Variants in KDM4A observed in about 807,000 individuals in gnomAD.
KDM4A encodes lysine demethylase 4A.
Under a neutral mutation model 127.1 loss-of-function variants are expected in KDM4A, and 23 were observed. That is an observed-to-expected ratio of 0.18 (90% CI 0.13 to 0.26). The LOEUF (loss-of-function observed/expected upper bound fraction) is 0.26. Ranked by LOEUF, KDM4A falls within the 10% of genes least tolerant of loss-of-function variation. The pLI is 1.00. For missense variants in KDM4A, 890 were observed against 1,329.1 expected (o/e 0.67, Z 5.14); for synonymous variants, 443 against 466.5 (o/e 0.95, Z 0.65).
At chr1:43,680,206 C>T (rs1660827457) in intron 11 of KDM4A, among the ~76,000 whole-genome samples, 1 of 152,260 alleles carries the variant, frequency 6.6e-6, no homozygotes, top group Admixed American at 6.5e-5. Context: ...TCAGAGGCAG[C>T]ATGACGGTAG....
At chr1:43,676,830 CTT>C (rs1464656172) in intron 11 of KDM4A, among the ~76,000 whole-genome samples, 1 of 152,184 alleles carries the variant, frequency 6.6e-6, no homozygotes, top group East Asian at 1.9e-4. Context: ...AAATATTTGT[CTT>C]GTCTTTATGC....
chr1:43,703,519 G>A (rs1455497064), intron 19 of KDM4A, 98 bp from the exon 20 acceptor site: 2 of 1,473,376 alleles, frequency 1.4e-6, no homozygotes, highest in East Asian at 2.3e-5. Context: ...CTCTAAAACA[G>A]TTACTTTGTC....
intron 11 of KDM4A, among the ~76,000 whole-genome samples, chr1:43,678,989 G>A (rs896582333): frequency 1.3e-5 from 2 of 152,038 alleles, no homozygotes; most frequent in African/African-American, 4.8e-5. Context: ...CACTTTGTTG[G>A]GCCACTGTCA....
chr1:43,660,358 T>TA lies in KDM4A; in HGVS notation c.376dup (p.Thr126AsnfsTer17). On this transcript the variant is annotated frameshift_variant, in exon 4 of 22. Transcript: ENST00000372396. LOFTEE classifies it high-confidence loss of function. ...TCGAGCGGAAATACTGGAAAAATCT[T>TA]ACATTCAATCCTCCAATCTATGGTG... The TA allele has an allele frequency of 6.2e-7, 1 of 1,613,742 alleles. No individual in the cohort carries two copies. Among genetic ancestry groups the TA allele is most frequent in the Non-Finnish European group, 8.5e-7 (1 of 1,179,740 alleles).
intron 2 of KDM4A, among the ~76,000 whole-genome samples, chr1:43,655,210 GA>G (rs1043873621): frequency 7.2e-5 from 11 of 152,134 alleles, no homozygotes; most frequent in African/African-American, 1.2e-4. Flanking sequence ...TCTAGTGTGT[GA>G]AAAAAGGAAA....
At chr1:43,652,642 C>A (rs1431746422) in intron 1 of KDM4A, among the ~76,000 whole-genome samples, 2 of 151,500 alleles carry the variant, frequency 1.3e-5, no homozygotes, top group Non-Finnish European at 2.9e-5. Flanking sequence ...AGCCACCACA[C>A]CCCCACCCTA....
At chr1:43,661,608 CAAAAAAAAAAAA>C (rs34131801) in intron 4 of KDM4A, among the ~76,000 whole-genome samples, 10 of 40,854 alleles carry the variant, frequency 2.4e-4, no homozygotes, top group Non-Finnish European at 3.8e-4. Context: ...GACTCTGTCT[CAAAAAAAAAAAA>C]AAAAAAAAAA....
In KDM4A at chr1:43,697,867, A is replaced by G; in HGVS notation, c.2695A>G (p.Ile899Val). ...GCGTGCCAAGGGGGCCTTGCAAAGC[A>G]TCACTGCAGGCCAGAAAGTCATTAG... ...LERAKGALQSITAGQKVISKH... is the reference protein window; with the variant it reads ...LERAKGALQSVTAGQKVISKH... The change falls in exon 19 of 22, where the codon ATC (isoleucine) becomes GTC (valine). Residue 899 changes from isoleucine (I) to valine (V), a missense_variant. Ile to Val is a conservative substitution (Grantham distance 29). Around this residue, in one of 7 missense-constraint regions of KDM4A, gnomAD observed 246 missense variants for 418.4 expected, o/e 0.59. Coordinates refer to ENST00000372396, the MANE Select transcript of KDM4A (RefSeq NM_014663.3). 1 of 1,613,708 alleles carries G rather than the reference A, an allele frequency of 6.2e-7. No individual in the cohort carries two copies. The highest frequency in any genetic ancestry group is 8.5e-7 in the Non-Finnish European group (1 of 1,179,906).
rs1181639829 is a variant in KDM4A, at chr1:43,660,431, C to T, written c.429+19C>T. ...TGAAAAGGTGAGGCTCACTGGAAAC[C>T]CTCTGTGCAGTGTTTTTGTAATTTT... is the stretch of plus-strand genomic sequence containing the variant. On this transcript the variant is annotated intron_variant, in intron 4 of 21. Coordinates refer to ENST00000372396, the MANE Select transcript of KDM4A (RefSeq NM_014663.3). The T allele has an allele frequency of 1.3e-6, 2 of 1,579,300 alleles. No individual in the cohort carries two copies. The highest frequency in any genetic ancestry group is 1.7e-6 in the Non-Finnish European group (2 of 1,160,610).
At chr1:43,650,759 C>A (rs1459634349) in intron 1 of KDM4A, 1 of 152,496 alleles carries the variant, frequency 6.6e-6, no homozygotes. Flanking sequence ...GGTTGGGATC[C>A]CCATTTTACA....
rs528043880 is a variant in KDM4A at position 43,658,765 on chromosome 1, G to A, written c.315-1533G>A. On this transcript the variant is annotated intron_variant, in intron 3 of 21. Transcript: ENST00000372396. ...TGATCCGCCTGCCTGGGCCTCCCAA[G>A]TGCTGGGATTACAGGCGTGAGCCAT... Among the ~76,000 whole-genome samples the A allele has an allele frequency of 4.2e-3, 632 of 151,932 alleles. 3 individuals are homozygous for A. Among genetic ancestry groups the A allele is most frequent in the Non-Finnish European group, 6.3e-3 (426 of 67,950 alleles).
At chr1:43,657,226 C>G (rs1341899972) in intron 3 of KDM4A, among the ~76,000 whole-genome samples, 3 of 150,982 alleles carry the variant, frequency 2.0e-5, no homozygotes, top group Non-Finnish European at 4.4e-5. Context: ...TTTTTTGAGA[C>G]AGAATCTCGC....
intron 12 of KDM4A, among the ~76,000 whole-genome samples, chr1:43,684,976 C>T (rs534864525): frequency 1.3e-5 from 2 of 152,258 alleles, no homozygotes; most frequent in African/African-American, 4.8e-5. Context: ...AGTTGAGTGC[C>T]TCCCCGGTTT....
At chr1:43,700,955 G>A (rs961046861) in intron 19 of KDM4A, among the ~76,000 whole-genome samples, 25 of 147,728 alleles carry the variant, frequency 1.7e-4, no homozygotes, top group African/African-American at 1.0e-4. Context: ...ACAGAGTCTC[G>A]CTCTGTCGCC....
Position 43,671,847 on chromosome 1 carries a change from G to C in KDM4A, c.1706G>C (p.Arg569Thr). 6.3e-7 allele frequency: 1 copy of C among 1,581,828 alleles called. No individual in the cohort carries two copies. The highest frequency in any genetic ancestry group is 8.6e-7 in the Non-Finnish European group (1 of 1,162,718). ...ACGAGGAAGAAAGGAAGCGCCGCTA[G>C]AAGTTTCAGTGAGCGGGAGCTGGCA... is the stretch of plus-strand genomic sequence containing the variant. ...PCTRKKGSAA[R>T]SFSERELAEV... The change falls in exon 11 of 22, where the codon AGA (arginine) becomes ACA (threonine). Residue 569 changes from arginine (R) to threonine (T), a missense_variant. This residue lies in a region of KDM4A where 389 missense variants were observed against 485.9 expected (regional missense o/e 0.80). Coordinates refer to ENST00000372396, the MANE Select transcript of KDM4A (RefSeq NM_014663.3).
intron 10 of KDM4A, among the ~76,000 whole-genome samples, chr1:43,671,207 T>C (rs1212995046): frequency 6.6e-6 from 1 of 152,122 alleles, no homozygotes; most frequent in Non-Finnish European, 1.5e-5. Context: ...GCAGGAGACT[T>C]TGGAGGAAAT....
chr1:43,676,223 G>A (rs776661936), intron 11 of KDM4A, among the ~76,000 whole-genome samples: 2 of 152,112 alleles, frequency 1.3e-5, no homozygotes, highest in Non-Finnish European at 2.9e-5. Flanking sequence ...CTGAGAGGTT[G>A]AGGCTGCAAT....
intron 11 of KDM4A, among the ~76,000 whole-genome samples, chr1:43,678,572 G>A: frequency 6.6e-6 from 1 of 151,030 alleles, no homozygotes; most frequent in Non-Finnish European, 1.5e-5. Flanking sequence ...GACAGGAGGG[G>A]ATGGCTGCAG....
intron 12 of KDM4A, among the ~76,000 whole-genome samples, chr1:43,686,493 C>T (rs1360180522): frequency 1.3e-5 from 2 of 152,002 alleles, no homozygotes; most frequent in African/African-American, 4.8e-5. Flanking sequence ...TGTGCTACGA[C>T]GCCCAGCTAA....
Sources: gnomAD v4.1 joint callset for allele counts (sites outside exome capture counted in the v4.1 genomes callset) on GRCh38, gnomAD v4.1.1 for gene constraint, gnomAD v4.1.1 regional missense constraint, MANE v1.5 for transcripts, NCBI Gene and HGNC (gene_info 2026-07-23, HGNC 2026-07-21) for gene names.